MAP3K7CL: variants seen among roughly 807,000 people sequenced by gnomAD.
MAP3K7CL encodes the protein MAP3K7 C-terminal-like protein.
Under a neutral mutation model 18.6 loss-of-function variants are expected in MAP3K7CL, and 16 were observed. That is an observed-to-expected ratio of 0.86 (90% confidence interval 0.58 to 1.31). The LOEUF (loss-of-function observed/expected upper bound fraction) is 1.31. Ranked by LOEUF, MAP3K7CL falls within the 50% of genes most tolerant of loss-of-function variation. MAP3K7CL has a pLI of 0.00. For synonymous variants in MAP3K7CL, 65 were observed against 66.8 expected (o/e 0.97, Z 0.13); for missense variants, 163 against 174.4 (o/e 0.93, Z 0.37).
chr21:29,136,603 C>T (rs557110508), intron 2 of MAP3K7CL, among the ~76,000 whole-genome samples: 3 of 152,106 alleles, frequency 2.0e-5, no homozygotes, highest in African/African-American at 7.2e-5. Context: ...TGGCTCACCG[C>T]GACCTCCGCC....
At chr21:29,144,204 A>G (rs1342060585) in intron 2 of MAP3K7CL, among the ~76,000 whole-genome samples, 1 of 151,698 alleles carries the variant, frequency 6.6e-6, no homozygotes, top group Non-Finnish European at 1.5e-5. Context: ...CTGGAGTGCA[A>G]GCAGGGGCTT....
upstream of MAP3K7CL, among the ~76,000 whole-genome samples, chr21:29,126,925 A>G (rs761032766): frequency 1.3e-5 from 2 of 152,210 alleles, no homozygotes; most frequent in African/African-American, 2.4e-5. Context: ...ATGTTGGGGA[A>G]AATGTCTTCT....
intron 2 of MAP3K7CL, among the ~76,000 whole-genome samples, chr21:29,135,735 G>A (rs934110810): frequency 3.3e-5 from 5 of 152,166 alleles, no homozygotes. Context: ...TTGTTCCAGT[G>A]TCTTTCTCTT....
At chr21:29,104,957 C>G (rs986163853) in intron 4 of MAP3K7CL, among the ~76,000 whole-genome samples, 4 of 152,160 alleles carry the variant, frequency 2.6e-5, no homozygotes, top group African/African-American at 9.7e-5. Context: ...TGGAGAAACT[C>G]AGGGTTCTAA....
chr21:29,143,717 G>A (rs549590869), intron 2 of MAP3K7CL, among the ~76,000 whole-genome samples: 10 of 152,100 alleles, frequency 6.6e-5, no homozygotes, highest in South Asian at 4.1e-4. Context: ...GCTACCCCGC[G>A]TGGCCCAACC....
chr21:29,119,752 T>A (rs1441489566), intron 4 of MAP3K7CL, among the ~76,000 whole-genome samples: 2 of 147,654 alleles, frequency 1.4e-5, no homozygotes, highest in East Asian at 4.1e-4. Context: ...AACCTCCACC[T>A]CCCGGGTTCA....
At chr21:29,163,576 T>C (rs149121715) in intron 4 of MAP3K7CL, among the ~76,000 whole-genome samples, 24 of 152,178 alleles carry the variant, frequency 1.6e-4, no homozygotes, top group African/African-American at 5.5e-4. Flanking sequence ...ACTTCCAATC[T>C]CATCCCTCAA....
intron 3 of MAP3K7CL, among the ~76,000 whole-genome samples, chr21:29,152,053 G>C (rs1750224189): frequency 6.6e-6 from 1 of 152,140 alleles, no homozygotes; most frequent in African/African-American, 2.4e-5. Flanking sequence ...TGTGTTACCA[G>C]CAATACAACC....
At chr21:29,145,619 T>G (rs1320571677) in intron 2 of MAP3K7CL, 1 of 152,194 alleles carries the variant, frequency 6.6e-6, no homozygotes, top group Non-Finnish European at 1.5e-5. Flanking sequence ...GTAAGCAGCT[T>G]CGCAAGCCCT....
At chr21:29,104,304 T>C (rs1320200351) in intron 4 of MAP3K7CL, among the ~76,000 whole-genome samples, 1 of 152,088 alleles carries the variant, frequency 6.6e-6, no homozygotes, top group Non-Finnish European at 1.5e-5. Context: ...ATTCTTCATT[T>C]CTCCTCTTGG....
chr21:29,102,207 G>A (rs1451019796), intron 4 of MAP3K7CL, among the ~76,000 whole-genome samples: 1 of 152,132 alleles, frequency 6.6e-6, no homozygotes. Context: ...ACTGAGTCCA[G>A]GTTGGATTTC....
At chr21:29,152,209 G>A (rs778982785) in intron 3 of MAP3K7CL, among the ~76,000 whole-genome samples, 2 of 152,218 alleles carry the variant, frequency 1.3e-5, no homozygotes, top group East Asian at 3.8e-4. Context: ...CAGGGCGTGA[G>A]TGACTAAACA....
intron 4 of MAP3K7CL, among the ~76,000 whole-genome samples, chr21:29,115,454 T>C (rs941484923): frequency 6.6e-6 from 1 of 152,198 alleles, no homozygotes; most frequent in Admixed American, 6.5e-5. Context: ...TGCAGAAATA[T>C]CAGGGAACTT....
upstream of MAP3K7CL, chr21:29,127,747 G>A (rs1430105389): frequency 6.6e-6 from 1 of 152,140 alleles, no homozygotes; most frequent in Admixed American, 6.5e-5. Flanking sequence ...ATGTCATGAG[G>A]ACGTAGCTGT....
At chr21:29,118,454 C>T (rs2086540750) in intron 4 of MAP3K7CL, among the ~76,000 whole-genome samples, 1 of 151,872 alleles carries the variant, frequency 6.6e-6, no homozygotes, top group African/African-American at 2.4e-5. Flanking sequence ...TACTGAGGCC[C>T]TGCTAAGGGC....
At chr21:29,100,296 A>G (rs2086204414) in intron 4 of MAP3K7CL, among the ~76,000 whole-genome samples, 1 of 152,238 alleles carries the variant, frequency 6.6e-6, no homozygotes, top group Non-Finnish European at 1.5e-5. Flanking sequence ...TAGTATAAAT[A>G]TCATTTCAGT....
At chr21:29,139,379 C>T (rs2086953251) in intron 2 of MAP3K7CL, 1 of 152,222 alleles carries the variant, frequency 6.6e-6, no homozygotes, top group Non-Finnish European at 1.5e-5. Context: ...TGTACTCGGA[C>T]CAGCCACAAA....
chr21:29,170,393 A>AT lies in MAP3K7CL; in HGVS notation c.249-4313dup, dbSNP rs1195543478. 1.2e-4 allele frequency among the ~76,000 whole-genome samples: 19 copies of AT among 152,298 alleles called. No individual in the cohort carries two copies. In the East Asian group the frequency reaches 2.1e-3, roughly 17 times the overall value. On this transcript the variant is annotated intron_variant, in intron 4 of 4. Coordinates refer to ENST00000399928, the MANE Select transcript of MAP3K7CL (RefSeq NM_001286620.2). ...AATTGTAAAAATCTATGATTTTGTG[A>AT]TTTTTTATCTCTGACAATCAAAATT...
At chr21:29,097,727 T>A (rs1039171326) in intron 4 of MAP3K7CL, among the ~76,000 whole-genome samples, 1 of 152,140 alleles carries the variant, frequency 6.6e-6, no homozygotes, top group East Asian at 1.9e-4. Context: ...AAGATATAAT[T>A]TATATGATGT....
Sources: gnomAD v4.1 joint callset for allele counts (sites outside exome capture counted in the v4.1 genomes callset) on GRCh38, gnomAD v4.1.1 for gene constraint, MANE v1.5 for transcripts, NCBI Gene and HGNC (gene_info 2026-07-23, HGNC 2026-07-21) for gene names.